The following RGS9 variants were observed in gnomAD, a reference collection of about 807,000 sequenced individuals.
The protein encoded by RGS9 is regulator of G protein signaling 9.
In RGS9, 78 loss-of-function variants were observed where a neutral mutation model predicts 102.0. The observed-to-expected ratio is 0.76, with a 90% confidence interval of 0.64 to 0.92. The LOEUF (loss-of-function observed/expected upper bound fraction) is 0.92. RGS9 is among the 40% of genes least tolerant of loss of function. RGS9 has a pLI of 0.00. For synonymous variants in RGS9, 353 were observed against 318.6 expected (o/e 1.11, Z -1.15); for missense variants, 833 against 866.1 (o/e 0.96, Z 0.48).
chr17:65,204,180 G>C lies in RGS9; in HGVS notation c.1082G>C (p.Gly361Ala), dbSNP rs1912958382. 4 of 1,612,534 alleles carry C rather than the reference G, an allele frequency of 2.5e-6. No individual in the cohort carries two copies. Among genetic ancestry groups the C allele is most frequent in the African/African-American group, 2.7e-5 (2 of 74,850 alleles). ...CACCCCAGGCTGTTCCTGGCCCCGG[G>C]GGCGAGGCGCTGGATCAACATAGAT... ...EEIYKLFLAP[G>A]ARRWINIDGK... The change falls in exon 15 of 19, where the codon GGG becomes GCG. Residue 361 changes from glycine to alanine, a missense_variant. Physicochemically the swap from Gly to Ala is moderately conservative, Grantham distance 60 (BLOSUM62 0). This residue lies in a region of RGS9 where 185 missense variants were observed against 248.7 expected (regional missense o/e 0.74). Transcript: ENST00000262406.
intron 17 of RGS9, among the ~76,000 whole-genome samples, chr17:65,223,303 GCCA>G (rs1905443459): frequency 6.6e-6 from 1 of 152,208 alleles, no homozygotes. Context: ...CTTTTGCTCT[GCCA>G]CCCTGTGGGA....
At chr17:65,184,795 T>TCTTC (rs1025354301) in intron 9 of RGS9, among the ~76,000 whole-genome samples, 14 of 138,050 alleles carry the variant, frequency 1.0e-4, no homozygotes, top group African/African-American at 4.7e-4. Context: ...TCTTTCTCTT[T>TCTTC]CTTTCTTTCT....
chr17:65,171,655 C>G (rs534626884), intron 8 of RGS9, among the ~76,000 whole-genome samples: 1 of 152,380 alleles, frequency 6.6e-6, no homozygotes, highest in South Asian at 2.1e-4. Context: ...GAGATCATCA[C>G]TGGCAAAGGC....
chr17:65,178,218 G>C (rs1013346473), intron 9 of RGS9, among the ~76,000 whole-genome samples: 1 of 152,080 alleles, frequency 6.6e-6, no homozygotes, highest in Non-Finnish European at 1.5e-5. Flanking sequence ...CGAAACTCTT[G>C]AATCAGTTTT....
intron 2 of RGS9, among the ~76,000 whole-genome samples, chr17:65,158,058 C>T (rs1354521749): frequency 2.6e-5 from 4 of 151,914 alleles, no homozygotes; most frequent in Non-Finnish European, 1.5e-5. Flanking sequence ...TATGTGTGGG[C>T]TGGGGGTGCG....
At chr17:65,176,942 T>A (rs987850538) in intron 8 of RGS9, among the ~76,000 whole-genome samples, 2 of 144,714 alleles carry the variant, frequency 1.4e-5, no homozygotes, top group African/African-American at 5.2e-5. Flanking sequence ...ACCATCCACC[T>A]ACCACCCATT....
chr17:65,201,983 C>G lies in RGS9; in HGVS notation c.977-10C>G. 1 of 1,604,314 alleles carries G rather than the reference C, an allele frequency of 6.2e-7. No individual in the cohort carries two copies. The highest frequency in any genetic ancestry group is 8.5e-7 in the Non-Finnish European group (1 of 1,171,240). On this transcript the variant is annotated splice_polypyrimidine_tract_variant and intron_variant, in intron 13 of 18. Coordinates refer to ENST00000262406, the MANE Select transcript of RGS9 (RefSeq NM_003835.4). ...CCGGCCCTCATCCACGTGGACTTCT[C>G]ACCATGCAGGAGAGAATCTGGGATT... is the stretch of plus-strand genomic sequence containing the variant.
intron 17 of RGS9, among the ~76,000 whole-genome samples, chr17:65,220,786 C>T (rs1190195597): frequency 6.6e-6 from 1 of 152,230 alleles, no homozygotes; most frequent in Non-Finnish European, 1.5e-5. Flanking sequence ...CATTAAAATG[C>T]CTGTGATTGT....
intron 12 of RGS9, among the ~76,000 whole-genome samples, chr17:65,194,516 A>G (rs1363823717): frequency 2.6e-5 from 4 of 152,202 alleles, no homozygotes; most frequent in African/African-American, 9.6e-5. Flanking sequence ...TTGATATCTA[A>G]TTAGCGTAAA....
At chr17:65,184,821 CTCTCCTT>C (rs1358946884) in intron 9 of RGS9, among the ~76,000 whole-genome samples, 1 of 147,036 alleles carries the variant, frequency 6.8e-6, no homozygotes, top group Non-Finnish European at 1.5e-5. Context: ...TTTCCTCTCT[CTCTCCTT>C]CCTTCCTTCC....
At chr17:65,224,492 C>A (rs1403535764) in intron 17 of RGS9, among the ~76,000 whole-genome samples, 2 of 152,224 alleles carry the variant, frequency 1.3e-5, no homozygotes. Flanking sequence ...GGGCTCAGAG[C>A]AAGGAGGGGC....
At chr17:65,158,035 G>T (rs1910832070) in intron 2 of RGS9, among the ~76,000 whole-genome samples, 2 of 152,164 alleles carry the variant, frequency 1.3e-5, no homozygotes, top group South Asian at 4.1e-4. Flanking sequence ...TAAAGATGAA[G>T]CGTGTGTGTA....
intron 15 of RGS9, among the ~76,000 whole-genome samples, chr17:65,205,833 G>T (rs1012305585): frequency 6.6e-6 from 1 of 151,812 alleles, no homozygotes; most frequent in African/African-American, 2.4e-5. Flanking sequence ...TATGATATAG[G>T]TTATGTGATA....
At chr17:65,156,715 G>A (rs184242381) in intron 2 of RGS9, among the ~76,000 whole-genome samples, 2 of 152,192 alleles carry the variant, frequency 1.3e-5, no homozygotes, top group South Asian at 2.1e-4. Context: ...CGGCTCCTCG[G>A]TGGAGAGAGC....
chr17:65,225,268 G>T lies in RGS9; in HGVS notation c.1674G>T (p.Glu558Asp). ...GGCCCTCTGTCACCGAGAGCAGCGA[G>T]GCCTCCCTCGACACCTCCTGGCCTC... ...PRGPSVTESS[E>D]ASLDTSWPRS... Residue 558 changes from glutamate (E) to aspartate (D), a missense_variant, in exon 18 of 19, where the codon GAG becomes GAT. Physicochemically the swap from Glu to Asp is conservative, Grantham distance 45. This residue lies in a region of RGS9 where 320 missense variants were observed against 276.8 expected (regional missense o/e 1.16). Coordinates refer to ENST00000262406, the MANE Select transcript of RGS9 (RefSeq NM_003835.4). The T allele has an allele frequency of 1.2e-6, 2 of 1,608,910 alleles. No homozygotes were observed. The highest frequency in any genetic ancestry group is 1.1e-5 in the South Asian group (1 of 91,066).
intron 10 of RGS9, 119 bp downstream of exon 10, chr17:65,189,434 A>T: frequency 2.5e-6 from 2 of 805,134 alleles, no homozygotes; most frequent in Non-Finnish European, 4.4e-6. Flanking sequence ...TGTTCAAACA[A>T]TTATTTCCAA....
chr17:65,149,904 T>C (rs1214992801), intron 1 of RGS9, among the ~76,000 whole-genome samples: 1 of 152,240 alleles, frequency 6.6e-6, no homozygotes, highest in East Asian at 1.9e-4. Context: ...CCATGGAGAC[T>C]GAGTGCTTTT....
At chr17:65,146,969 C>T (rs1040725518) in intron 1 of RGS9, among the ~76,000 whole-genome samples, 1 of 152,096 alleles carries the variant, frequency 6.6e-6, no homozygotes, top group African/African-American at 2.4e-5. Context: ...TGGAGAACTC[C>T]AGAAGGAGTC....
chr17:65,153,216 A>T (rs989297278), intron 1 of RGS9, among the ~76,000 whole-genome samples: 42 of 152,200 alleles, frequency 2.8e-4, no homozygotes, highest in African/African-American at 9.4e-4. Flanking sequence ...GAGTCTTCAC[A>T]TGCAGGGATG....
Sources: allele counts gnomAD v4.1 joint callset (sites outside exome capture counted in the v4.1 genomes callset), GRCh38; gene constraint gnomAD v4.1.1; regional missense constraint gnomAD v4.1.1; transcripts MANE v1.5; gene names NCBI Gene and HGNC (gene_info 2026-07-23, HGNC 2026-07-21).